Variants in TRIM44 observed in about 807,000 individuals in gnomAD.
TRIM44 encodes the protein tripartite motif containing 44.
A neutral mutation model predicts 37.4 loss-of-function variants in TRIM44; 13 were observed. The observed-to-expected ratio is 0.35, with a 90% CI of 0.23 to 0.55. The LOEUF (loss-of-function observed/expected upper bound fraction) is 0.55. Ranked by LOEUF, TRIM44 falls within the 20% of genes least tolerant of loss-of-function variation. TRIM44 has a pLI of 0.89. For missense variants in TRIM44, 426 were observed against 437.2 expected, an observed-to-expected ratio of 0.97 and a Z score of 0.23; for synonymous variants, 175 against 157.2, an observed-to-expected ratio of 1.11 and a Z score of -0.85.
chr11:35,671,432 A>G (rs1021023901), intron 1 of TRIM44, among the ~76,000 whole-genome samples: 6 of 152,226 alleles, frequency 3.9e-5, no homozygotes, highest in African/African-American at 1.4e-4. Context: ...ACAATGCTTA[A>G]CACATTGTTA....
At chr11:35,771,397 A>G (rs1030721061) in intron 4 of TRIM44, among the ~76,000 whole-genome samples, 2 of 152,176 alleles carry the variant, frequency 1.3e-5, no homozygotes, top group Non-Finnish European at 2.9e-5. Flanking sequence ...TCTAAGCAGC[A>G]AAGTGTTCAA....
intron 2 of TRIM44, among the ~76,000 whole-genome samples, chr11:35,707,023 C>T (rs1280786718): frequency 6.6e-6 from 1 of 152,150 alleles, no homozygotes; most frequent in Non-Finnish European, 1.5e-5. Flanking sequence ...CCCATTGTTT[C>T]AGCCCAAAAT....
At chr11:35,670,618 A>G (rs1019581145) in intron 1 of TRIM44, among the ~76,000 whole-genome samples, 5 of 152,190 alleles carry the variant, frequency 3.3e-5, no homozygotes, top group African/African-American at 1.2e-4. Context: ...GAAATACTCC[A>G]TTGAGTGTCA....
intron 1 of TRIM44, 69 bp from the exon 2 acceptor site, chr11:35,685,190 A>G: frequency 2.2e-6 from 3 of 1,341,396 alleles, no homozygotes; most frequent in Non-Finnish European, 3.2e-6. Flanking sequence ...ATTGTCTTCC[A>G]AAATGCTGTT....
At chr11:35,668,252 G>A (rs1010794822) in intron 1 of TRIM44, among the ~76,000 whole-genome samples, 3 of 152,132 alleles carry the variant, frequency 2.0e-5, no homozygotes, top group Non-Finnish European at 2.9e-5. Context: ...AGGATGTGCA[G>A]GTTTGTTACA....
intron 4 of TRIM44, among the ~76,000 whole-genome samples, chr11:35,754,117 A>G (rs986095417): frequency 1.3e-5 from 2 of 152,108 alleles, no homozygotes; most frequent in African/African-American, 4.8e-5. Context: ...AGCATTTTAC[A>G]TGTGAGTATT....
chr11:35,806,556 A>G lies in TRIM44; in HGVS notation c.*171A>G, dbSNP rs1016899548. 6 of 678,866 alleles carry G rather than the reference A, an allele frequency of 8.8e-6. No individual in the cohort carries two copies. Among genetic ancestry groups the G allele is most frequent in the African/African-American group, 5.4e-5 (3 of 55,432 alleles). The allele number at this position is 678,866 out of a possible 1,614,324, so 42.1% of individuals were successfully genotyped here. On this transcript the variant is annotated 3_prime_UTR_variant, in exon 5 of 5. Coordinates refer to ENST00000299413, the MANE Select transcript of TRIM44 (RefSeq NM_017583.6). Reference sequence around the variant, plus strand: ...ATCTCTCCAAGGGATGACCAGTTTTATGCTTACTGTGTGCTTCTCATCCCC... The same window carrying G: ...ATCTCTCCAAGGGATGACCAGTTTTGTGCTTACTGTGTGCTTCTCATCCCC...
intron 4 of TRIM44, among the ~76,000 whole-genome samples, chr11:35,736,905 T>A (rs1394904220): frequency 6.6e-6 from 1 of 152,220 alleles, no homozygotes; most frequent in Non-Finnish European, 1.5e-5. Context: ...CTACTGTGTG[T>A]CTGGCACTGT....
chr11:35,710,429 A>G (rs564330774), intron 2 of TRIM44, among the ~76,000 whole-genome samples: 6 of 152,330 alleles, frequency 3.9e-5, no homozygotes, highest in African/African-American at 1.4e-4. Flanking sequence ...CCCTTTTAAC[A>G]AAGACAGATT....
intron 4 of TRIM44, among the ~76,000 whole-genome samples, chr11:35,770,255 A>G (rs910632732): frequency 4.6e-5 from 7 of 152,224 alleles, no homozygotes; most frequent in Non-Finnish European, 7.3e-5. Flanking sequence ...TTATGACTAC[A>G]TAGTATTCCA....
chr11:35,763,531 C>T (rs1358807350), intron 4 of TRIM44, among the ~76,000 whole-genome samples: 1 of 152,092 alleles, frequency 6.6e-6, no homozygotes, highest in Non-Finnish European at 1.5e-5. Context: ...CCTCTCTGGC[C>T]TTGAGTTTTG....
Position 35,738,832 on chromosome 11 carries a change from G to A in TRIM44, c.1007+3387G>A, listed in dbSNP as rs188786318. Reference sequence around the variant, plus strand: ...GCCGGAGACACTGAGTTCCAGTTCTGCTTGGATCATTATGCCTGTGTCTCC... The same window carrying A: ...GCCGGAGACACTGAGTTCCAGTTCTACTTGGATCATTATGCCTGTGTCTCC... On this transcript the variant is annotated intron_variant, in intron 4 of 4. Transcript: ENST00000299413. Among the ~76,000 whole-genome samples the A allele has an allele frequency of 1.8e-3, 273 of 152,254 alleles. 1 individual carries two copies. Among genetic ancestry groups the A allele is most frequent in the Middle Eastern group, 6.8e-3 (2 of 294 alleles).
chr11:35,670,767 TCA>T (rs938228253), intron 1 of TRIM44, among the ~76,000 whole-genome samples: 25 of 152,242 alleles, frequency 1.6e-4, no homozygotes, highest in Admixed American at 1.5e-3. Flanking sequence ...TTGTCATGTC[TCA>T]CAGTTTTTCA....
intron 1 of TRIM44, 28 bp downstream of exon 1, chr11:35,663,808 C>G (rs1330174299): frequency 1.6e-5 from 26 of 1,592,002 alleles, no homozygotes; most frequent in Non-Finnish European, 2.2e-5. Flanking sequence ...AGAGCATAAA[C>G]CTAGGGGTCA....
chr11:35,739,330 G>A (rs1852363109), intron 4 of TRIM44, among the ~76,000 whole-genome samples: 2 of 152,300 alleles, frequency 1.3e-5, no homozygotes, highest in South Asian at 4.1e-4. Context: ...CTAGTAAGTG[G>A]CAGAGCTATG....
At chr11:35,801,871 T>G (rs1323625945) in intron 4 of TRIM44, among the ~76,000 whole-genome samples, 2 of 152,218 alleles carry the variant, frequency 1.3e-5, no homozygotes, top group East Asian at 3.8e-4. Context: ...AACTTTTTTG[T>G]TTTACATCCC....
chr11:35,745,784 A>G (rs1590563487), intron 4 of TRIM44, among the ~76,000 whole-genome samples: 1 of 152,106 alleles, frequency 6.6e-6, no homozygotes, highest in Admixed American at 6.6e-5. Context: ...CAATTTAGAC[A>G]CACCAGTTCA....
At chr11:35,788,331 A>G (rs1038467509) in intron 4 of TRIM44, among the ~76,000 whole-genome samples, 13 of 152,192 alleles carry the variant, frequency 8.5e-5, no homozygotes, top group African/African-American at 2.7e-4. Context: ...ATTGTGAAGG[A>G]GGAGTTTAGA....
At chr11:35,755,393 T>G (rs767026058) in intron 4 of TRIM44, among the ~76,000 whole-genome samples, 2 of 152,234 alleles carry the variant, frequency 1.3e-5, no homozygotes, top group Admixed American at 6.5e-5. Context: ...CATTGTAGAT[T>G]CTGGATATTA....
Sources: allele counts gnomAD v4.1 joint callset (sites outside exome capture counted in the v4.1 genomes callset), GRCh38; gene constraint gnomAD v4.1.1; transcripts MANE v1.5; gene names NCBI Gene and HGNC (gene_info 2026-07-23, HGNC 2026-07-21).